The following SCN2B variants were observed in gnomAD, a reference collection of about 807,000 sequenced individuals.
SCN2B encodes the protein sodium voltage-gated channel beta subunit 2.
A neutral mutation model predicts 18.2 loss-of-function variants in SCN2B; 14 were observed. That is an observed-to-expected ratio of 0.77 (90% confidence interval 0.51 to 1.21). The LOEUF is 1.21. SCN2B is among the 50% of genes most tolerant of loss of function. The probability of loss-of-function intolerance (pLI) is 0.00; values close to 1 mark genes in which losing one functional copy is unlikely to be tolerated. For synonymous variants in SCN2B, 115 were observed against 115.3 expected, an observed-to-expected ratio of 1.00 and a Z score of 0.02; for missense variants, 262 against 286.9, an observed-to-expected ratio of 0.91 and a Z score of 0.63.
chr11:118,175,390 CTG>C (rs1948461265), intron 1 of SCN2B, among the ~76,000 whole-genome samples: 1 of 152,224 alleles, frequency 6.6e-6, no homozygotes, highest in Admixed American at 6.5e-5. Flanking sequence ...GGCCTCTGCA[CTG>C]TCTGTGTTTA....
In SCN2B at chr11:118,167,055, C is replaced by T. The variant is rs770842649; in HGVS notation, c.480G>A (p.Val160=). The T allele has an allele frequency of 3.7e-6, 6 of 1,613,256 alleles. No individual in the cohort carries two copies. Among genetic ancestry groups the T allele is most frequent in the Non-Finnish European group, 4.2e-6 (5 of 1,180,058 alleles). The change falls in exon 4 of 4, where the codon GTG becomes GTA. Residue 160 remains valine (V), a synonymous_variant. Coordinates refer to ENST00000278947, the MANE Select transcript of SCN2B (RefSeq NM_004588.5). ...EPPERDSTVA[V]IVGASVGGFL... ...AGCCCCCGACGGAGGCACCCACAAT[C>T]ACGGCCACCGTGGAGTCCCGCTCAG... is the stretch of plus-strand genomic sequence containing the variant.
intron 1 of SCN2B, among the ~76,000 whole-genome samples, chr11:118,174,218 CG>C (rs1352111761): frequency 1.4e-5 from 2 of 146,732 alleles, no homozygotes; most frequent in Non-Finnish European, 3.0e-5. Flanking sequence ...GGGATACAGG[CG>C]TGAGCCACCA....
Position 118,166,816 on chromosome 11 carries a change from C to T in SCN2B, c.*71G>A. ...TCACGGGAAGCACACCAAGAGCGAGCAGGCAGGGTCACTGTACAGGGCGGA... is the reference window on the plus strand; with the variant it reads ...TCACGGGAAGCACACCAAGAGCGAGTAGGCAGGGTCACTGTACAGGGCGGA... On this transcript the variant is annotated 3_prime_UTR_variant, in exon 4 of 4. Coordinates refer to ENST00000278947, the MANE Select transcript of SCN2B (RefSeq NM_004588.5). The T allele has an allele frequency of 1.9e-6, 3 of 1,587,204 alleles. No individual in the cohort carries two copies. Among genetic ancestry groups the T allele is most frequent in the Non-Finnish European group, 2.6e-6 (3 of 1,161,326 alleles).
At chr11:118,170,191 G>C (rs1948419397) in intron 1 of SCN2B, among the ~76,000 whole-genome samples, 1 of 152,176 alleles carries the variant, frequency 6.6e-6, no homozygotes, top group African/African-American at 2.4e-5. Flanking sequence ...TGGGGAGAAG[G>C]ATAGACATCA....
At chr11:118,173,809 T>C (rs1948447210) in intron 1 of SCN2B, among the ~76,000 whole-genome samples, 1 of 152,176 alleles carries the variant, frequency 6.6e-6, no homozygotes, top group African/African-American at 2.4e-5. Context: ...CAATAAAGTC[T>C]ACTAAAGGAA....
In SCN2B at chr11:118,165,255, A is replaced by G. The variant is rs1948368597; in HGVS notation, c.*1632T>C. 6.6e-6 allele frequency: 1 copy of G among 152,666 alleles called. No individual in the cohort carries two copies. The allele number at this position is 152,666 out of a possible 1,614,324, so 9.5% of individuals were successfully genotyped here. ...GCTTCAAACTGGAGACTGAGGAGCC[A>G]GAGAAGAGGGCAGGACCCTCAGTTT... On this transcript the variant is annotated 3_prime_UTR_variant, in exon 4 of 4. Coordinates refer to ENST00000278947, the MANE Select transcript of SCN2B (RefSeq NM_004588.5).
intron 1 of SCN2B, among the ~76,000 whole-genome samples, chr11:118,169,252 T>C (rs1948411281): frequency 6.6e-6 from 1 of 152,128 alleles, no homozygotes; most frequent in African/African-American, 2.4e-5. Flanking sequence ...CCTCAAGCCT[T>C]TTCTAGAACC....
intron 3 of SCN2B, 87 bp downstream of exon 3, chr11:118,167,998 G>T: frequency 9.1e-7 from 1 of 1,101,016 alleles, no homozygotes; most frequent in Non-Finnish European, 1.4e-6. Context: ...GGAGGGCCTG[G>T]CCTCCCCAAA....
At chr11:118,169,053 G>T (rs1192988277) in intron 1 of SCN2B, among the ~76,000 whole-genome samples, 1 of 152,130 alleles carries the variant, frequency 6.6e-6, no homozygotes, top group Non-Finnish European at 1.5e-5. Context: ...AAGCCGCATG[G>T]AATTGGACTT....
At chr11:118,172,911 A>G (rs1174657896) in intron 1 of SCN2B, among the ~76,000 whole-genome samples, 1 of 140,048 alleles carries the variant, frequency 7.1e-6, no homozygotes, top group Admixed American at 7.2e-5. Context: ...TTTTTTTTTA[A>G]GTGTCTAAAC....
chr11:118,174,524 C>T (rs1221994182), intron 1 of SCN2B, among the ~76,000 whole-genome samples: 1 of 152,132 alleles, frequency 6.6e-6, no homozygotes, highest in Non-Finnish European at 1.5e-5. Flanking sequence ...TACTGCAACA[C>T]CACCAAAGTT....
Position 118,166,542 on chromosome 11 carries a change from C to T in SCN2B, c.*345G>A. On this transcript the variant is annotated 3_prime_UTR_variant, in exon 4 of 4. Transcript: ENST00000278947. ...AGCCACTGCCAGGCCAAGCACTGGG[C>T]AGGTGGACAGCGGCCCCCTCCTCTA... 5.2e-6 allele frequency: 2 copies of T among 382,612 alleles called. No individual in the cohort carries two copies. The highest frequency in any genetic ancestry group is 6.2e-5 in the East Asian group (1 of 16,200). 23.7% of individuals were successfully genotyped at this position (382,612 alleles called of 1,614,324 possible).
chr11:118,168,486 G>C lies in SCN2B; in HGVS notation c.237+99C>G, dbSNP rs1250370581. ...CACGCAGCCCACCCAGGGTCCTCTG[G>C]GGCCCTAGCGCAGTGCCGGGGCCGG... On this transcript the variant is annotated intron_variant, in intron 2 of 3. Transcript: ENST00000278947. The surrounding 1 kb of genome is among the most constrained non-coding windows in gnomAD (Gnocchi z 4.7). The C allele has an allele frequency of 1.3e-5, 19 of 1,514,870 alleles. No homozygotes were observed. In the African/African-American group the frequency reaches 2.6e-4, roughly 21 times the overall value. 93.8% of individuals were successfully genotyped at this position (1,514,870 alleles called of 1,614,324 possible). A position where few individuals can be genotyped will look rare whatever the true frequency, so the allele number is the denominator to read the frequency against.
intron 1 of SCN2B, among the ~76,000 whole-genome samples, chr11:118,175,189 C>A (rs1948459784): frequency 6.6e-6 from 1 of 152,192 alleles, no homozygotes; most frequent in South Asian, 2.1e-4. Flanking sequence ...CACCAAATCA[C>A]AAACACGTCA....
chr11:118,166,952 C>T lies in SCN2B; in HGVS notation c.583G>A (p.Asp195Asn). 6.2e-7 allele frequency: 1 copy of T among 1,614,188 alleles called. No homozygotes were observed. Among genetic ancestry groups the T allele is most frequent in the Non-Finnish European group, 8.5e-7 (1 of 1,180,042 alleles). The change falls in exon 4 of 4, where the codon GAC becomes AAC. Residue 195 changes from aspartate to asparagine, a missense_variant. Physicochemically the swap from Asp to Asn is conservative, Grantham distance 23. Coordinates refer to ENST00000278947, the MANE Select transcript of SCN2B (RefSeq NM_004588.5). ...RKKEQKLSTDDLKTEEEGKTD... is the reference protein window; with the variant it reads ...RKKEQKLSTDNLKTEEEGKTD... Reference sequence around the variant, plus strand: ...TTGCCCTCCTCCTCGGTCTTCAGGTCATCTGTGCTCAGCTTCTGCTCTTTT... The same window carrying T: ...TTGCCCTCCTCCTCGGTCTTCAGGTTATCTGTGCTCAGCTTCTGCTCTTTT...
At position 118,163,213 on chromosome 11, in the gene SCN2B, A is replaced by AAGGAAGACGCCAGCAAG. The variant is rs1948347313; in HGVS notation, c.*3657_*3673dup. On this transcript the variant is annotated 3_prime_UTR_variant, in exon 4 of 4. Coordinates refer to ENST00000278947, the MANE Select transcript of SCN2B (RefSeq NM_004588.5). Reference sequence around the variant, plus strand: ...TACAGTGCATCAGCAAGCTTCAATAAAGGAAGACGCCAGCAAGAGGCACAG... The same window carrying AAGGAAGACGCCAGCAAG: ...TACAGTGCATCAGCAAGCTTCAATAAAGGAAGACGCCAGCAAGAGGAAGACGCCAGCAAGAGGCACAG... 1 of 152,558 alleles carries AAGGAAGACGCCAGCAAG rather than the reference A, an allele frequency of 6.6e-6. No individual in the cohort carries two copies. The highest frequency in any genetic ancestry group is 1.5e-5 in the Non-Finnish European group (1 of 68,026). 9.5% of individuals were successfully genotyped at this position (152,558 alleles called of 1,614,324 possible).
intron 1 of SCN2B, among the ~76,000 whole-genome samples, chr11:118,173,014 C>A (rs572047102): frequency 6.6e-6 from 1 of 151,996 alleles, no homozygotes; most frequent in Non-Finnish European, 1.5e-5. Context: ...CCATCCAGAC[C>A]CTTCCTGCTC....
rs148639401 is a variant in SCN2B at position 118,165,291 on chromosome 11, G to T, written c.*1596C>A. 1 of 152,736 alleles carries T rather than the reference G, an allele frequency of 6.5e-6. No homozygotes were observed. Among genetic ancestry groups the T allele is most frequent in the East Asian group, 1.9e-4 (1 of 5,182 alleles). 9.5% of individuals were successfully genotyped at this position (152,736 alleles called of 1,614,324 possible). ...CAGGACCCTCAGTTTCTGTCAGTTG[G>T]AACCTCAGTTTCCCCATTTTAAGTG... On this transcript the variant is annotated 3_prime_UTR_variant, in exon 4 of 4. Transcript: ENST00000278947.
chr11:118,166,573 GC>G lies in SCN2B; in HGVS notation c.*313del. 2.3e-6 allele frequency: 1 copy of G among 438,376 alleles called. No homozygotes were observed. Among genetic ancestry groups the G allele is most frequent in the Non-Finnish European group, 4.3e-6 (1 of 234,322 alleles). 27.2% of individuals were successfully genotyped at this position (438,376 alleles called of 1,614,324 possible). ...GACAGCGGCCCCCTCCTCTACCCCT[GC>G]CCACCCACTCCCTTCTCTCTGGGGA... On this transcript the variant is annotated 3_prime_UTR_variant, in exon 4 of 4. Coordinates refer to ENST00000278947, the MANE Select transcript of SCN2B (RefSeq NM_004588.5).
Sources: allele counts gnomAD v4.1 joint callset (sites outside exome capture counted in the v4.1 genomes callset), GRCh38; gene constraint gnomAD v4.1.1; non-coding constraint Gnocchi (gnomAD v3.1); transcripts MANE v1.5; gene names NCBI Gene and HGNC (gene_info 2026-07-23, HGNC 2026-07-21).